The following EXOSC10 variants were observed in gnomAD, a reference collection of about 807,000 sequenced individuals.
EXOSC10 encodes the protein exosome component 10.
Under a neutral mutation model 126.6 loss-of-function variants are expected in EXOSC10, and 94 were observed. That is an observed-to-expected ratio of 0.74 (90% CI 0.63 to 0.88). EXOSC10 has a LOEUF of 0.88. EXOSC10 is among the 40% of genes least tolerant of loss of function. The pLI is 0.00. For synonymous variants in EXOSC10, 395 were observed against 400.8 expected (o/e 0.99, Z 0.17); for missense variants, 1,041 against 1,100.5 (o/e 0.95, Z 0.77).
At chr1:11,082,211 G>A (rs891645688) in intron 10 of EXOSC10, among the ~76,000 whole-genome samples, 1 of 152,150 alleles carries the variant, frequency 6.6e-6, no homozygotes, top group Admixed American at 6.6e-5. Flanking sequence ...ACCAAGCTGA[G>A]CAAGGCCTGC....
intron 3 of EXOSC10, among the ~76,000 whole-genome samples, chr1:11,092,500 A>G (rs1439379558): frequency 6.7e-6 from 1 of 150,184 alleles, no homozygotes; most frequent in Non-Finnish European, 1.5e-5. Context: ...GGCGTAAGCC[A>G]CTGTGCCTGG....
At chr1:11,098,256 T>C (rs1570872310) in intron 1 of EXOSC10, 100 bp from the exon 2 acceptor site, 1 of 1,382,396 alleles carries the variant, frequency 7.2e-7, no homozygotes, top group African/African-American at 1.5e-5. Flanking sequence ...CTACTCTTCA[T>C]CCATCAAAAA....
At chr1:11,067,706 ACTATTTACAC>A (rs1639186634) in intron 24 of EXOSC10, among the ~76,000 whole-genome samples, 1 of 152,174 alleles carries the variant, frequency 6.6e-6, no homozygotes, top group Non-Finnish European at 1.5e-5. Context: ...AAATTTCACA[ACTATTTACAC>A]CTATTTTCCC....
rs1389794478 is a variant in EXOSC10, at chr1:11,087,326, T to G, written c.1089+122A>C. On this transcript the variant is annotated intron_variant, in intron 9 of 24. Transcript: ENST00000376936. ...AAGCCATTTAGCACTGTACCCTAGT[T>G]AGGAAATGACATGATTCCTCCCAAC... 4 of 1,179,718 alleles carry G rather than the reference T, an allele frequency of 3.4e-6. No individual in the cohort carries two copies. In the African/African-American group the frequency reaches 6.1e-5, roughly 18 times the overall value. 73.1% of individuals were successfully genotyped at this position (1,179,718 alleles called of 1,614,324 possible).
intron 10 of EXOSC10, 140 bp from the exon 11 acceptor site, chr1:11,081,378 C>T (rs1640158978): frequency 1.2e-6 from 1 of 867,174 alleles, no homozygotes; most frequent in African/African-American, 1.7e-5. Flanking sequence ...GTTATGCCAA[C>T]ATTTCCTGCA....
At chr1:11,073,096 C>T (rs563617898) in intron 19 of EXOSC10, 6 of 152,348 alleles carry the variant, frequency 3.9e-5, no homozygotes, top group African/African-American at 1.4e-4. Context: ...AATTTAAAAA[C>T]CGCAAATGAA....
In EXOSC10 at chr1:11,081,070, G is replaced by T. The variant is rs1460857409; in HGVS notation, c.1437+12C>A. 1 of 1,613,820 alleles carries T rather than the reference G, an allele frequency of 6.2e-7. No homozygotes were observed. Reference sequence around the variant, plus strand: ...AAGTGTCGCGGTCTGTGTGACTGCGGCTGAGGTGTACCTTGAGGCAGATGT... The same window carrying T: ...AAGTGTCGCGGTCTGTGTGACTGCGTCTGAGGTGTACCTTGAGGCAGATGT... On this transcript the variant is annotated intron_variant, in intron 11 of 24. Transcript: ENST00000376936.
chr1:11,080,561 A>ACACACACACACACAC lies in EXOSC10; in HGVS notation c.1587-13_1587-12insGTGTGTGTGTGTGTG, dbSNP rs1557704190. On this transcript the variant is annotated splice_polypyrimidine_tract_variant and intron_variant, in intron 12 of 24. Coordinates refer to ENST00000376936, the MANE Select transcript of EXOSC10 (RefSeq NM_001001998.3). The stretch of plus-strand genomic sequence containing the variant: ...TTGGCAGTACATATCTGGAAAAAAA[A>ACACACACACACACAC]AAACACACACACACACACACACACA... 4 of 1,504,948 alleles carry ACACACACACACACAC rather than the reference A, an allele frequency of 2.7e-6. No individual in the cohort carries two copies. In the African/African-American group the frequency reaches 7.4e-5, roughly 28 times the overall value. 93.2% of individuals were successfully genotyped at this position (1,504,948 alleles called of 1,614,324 possible).
rs560935458 is a variant in EXOSC10 at position 11,089,526 on chromosome 1, C to T, written c.758+1028G>A. On this transcript the variant is annotated intron_variant, in intron 6 of 24. Coordinates refer to ENST00000376936, the MANE Select transcript of EXOSC10 (RefSeq NM_001001998.3). ...ATCCCAGCTACTTGGGAGGCTGAGG[C>T]AGGAGAATCATTTGAACTCAGGAGG... 1.0e-4 allele frequency among the ~76,000 whole-genome samples: 15 copies of T among 150,350 alleles called. No homozygotes were observed. The South Asian group carries it at 2.9e-3, about 29-fold the overall frequency.
rs750658353 is a variant in EXOSC10, at chr1:11,090,659, T to C, written c.653A>G (p.Lys218Arg). Residue 218 changes from lysine (K) to arginine (R), a missense_variant, in exon 6 of 25, where the codon AAG becomes AGG. By Grantham distance (26) the Lys-to-Arg change is conservative (BLOSUM62 2). Coordinates refer to ENST00000376936, the MANE Select transcript of EXOSC10 (RefSeq NM_001001998.3). ...ATCCTGTGGGCGTTCCCGCCTTTCC[T>C]TAGAGAGAGCTGGGGATCCCAGCAG... The part of the protein sequence containing the change: ...AQKPLPQALS[K>R]ERRERPQDRP... The C allele has an allele frequency of 1.9e-6, 3 of 1,608,414 alleles. No homozygotes were observed. Among genetic ancestry groups the C allele is most frequent in the Non-Finnish European group, 2.5e-6 (3 of 1,177,250 alleles).
chr1:11,097,542 T>C (rs1050024930), intron 2 of EXOSC10, among the ~76,000 whole-genome samples: 1 of 151,902 alleles, frequency 6.6e-6, no homozygotes, highest in Non-Finnish European at 1.5e-5. Flanking sequence ...CTGGCTAACA[T>C]GTTGAAACCC....
intron 11 of EXOSC10, 47 bp downstream of exon 11, chr1:11,081,035 C>A (rs763659438): frequency 6.2e-7 from 1 of 1,605,102 alleles, no homozygotes; most frequent in East Asian, 2.2e-5. Flanking sequence ...CCTGGCCAGA[C>A]ACAGAGCCCA....
At chr1:11,068,583 AGAG>A (rs1417504146) in intron 23 of EXOSC10, 59 bp downstream of exon 23, 4 of 1,263,164 alleles carry the variant, frequency 3.2e-6, no homozygotes, top group Non-Finnish European at 4.7e-6. Flanking sequence ...TCTTCTCAGC[AGAG>A]GAGGAGGTCA....
intron 3 of EXOSC10, among the ~76,000 whole-genome samples, chr1:11,094,884 GCCA>G (rs1417293781): frequency 1.3e-5 from 2 of 151,548 alleles, no homozygotes; most frequent in Non-Finnish European, 1.5e-5. Flanking sequence ...GTAGGTGTGA[GCCA>G]CCACACCTGG....
At chr1:11,096,908 T>C (rs1570866829) in intron 2 of EXOSC10, among the ~76,000 whole-genome samples, 2 of 151,258 alleles carry the variant, frequency 1.3e-5, no homozygotes, top group East Asian at 3.9e-4. Flanking sequence ...TGAAACCCCA[T>C]CTCTACTAAA....
rs1172887983 is a variant in EXOSC10, at chr1:11,074,239, A to G, written c.2074T>C (p.Phe692Leu). Residue 692 changes from phenylalanine to leucine, a missense_variant, in exon 18 of 25, where the codon TTT becomes CTT. By Grantham distance (22) the Phe-to-Leu change is conservative (BLOSUM62 0). Around this residue, in one of 3 missense-constraint regions of EXOSC10, gnomAD observed 388 missense variants for 415.2 expected, o/e 0.93. Transcript: ENST00000376936. ...QNIMESFENP[F>L]RMFLPSLGHR... ...ACAAAACTACTACTCACCATCCTAA[A>G]TGGATTTTCAAAGGACTCCATGATG... 1 of 1,613,340 alleles carries G rather than the reference A, an allele frequency of 6.2e-7. No individual in the cohort carries two copies. The highest frequency in any genetic ancestry group is 1.7e-5 in the Admixed American group (1 of 60,004).
chr1:11,076,036 G>C (rs1410120217), intron 17 of EXOSC10, among the ~76,000 whole-genome samples: 2 of 151,682 alleles, frequency 1.3e-5, no homozygotes, highest in Non-Finnish European at 2.9e-5. Context: ...ATGGTGGCGG[G>C]CGCCTGCAAT....
Position 11,082,859 on chromosome 1 carries a change from G to C in EXOSC10, c.1109C>G (p.Ser370Ter). ...AIVKVFHGAD[S>*]DIEWLQKDFG... ...GTCTTTCTGTAGCCATTCTATGTCT[G>C]AATCAGCACCATGAAAGACCTGAAA... The change falls in exon 10 of 25, where the codon TCA (serine) becomes TGA (stop). Residue 370 changes from serine to a stop codon, truncating the protein, a stop_gained. Transcript: ENST00000376936. LOFTEE classifies it high-confidence loss of function. 2 of 1,614,142 alleles carry C rather than the reference G, an allele frequency of 1.2e-6. No homozygotes were observed. Among genetic ancestry groups the C allele is most frequent in the Non-Finnish European group, 1.7e-6 (2 of 1,179,986 alleles).
At chr1:11,089,484 G>A (rs1024826494) in intron 6 of EXOSC10, among the ~76,000 whole-genome samples, 6 of 151,148 alleles carry the variant, frequency 4.0e-5, no homozygotes, top group Non-Finnish European at 5.9e-5. Flanking sequence ...CAGGTGTGGT[G>A]GCACATGCCT....
Sources: gnomAD v4.1 joint callset for allele counts (sites outside exome capture counted in the v4.1 genomes callset) on GRCh38, gnomAD v4.1.1 for gene constraint, gnomAD v4.1.1 regional missense constraint, MANE v1.5 for transcripts, NCBI Gene and HGNC (gene_info 2026-07-23, HGNC 2026-07-21) for gene names.